Variants in FSTL4 observed in about 807,000 individuals in gnomAD.
FSTL4 encodes follistatin-related protein 4.
In FSTL4, 28 loss-of-function variants were observed where a neutral mutation model predicts 78.2. That is an observed-to-expected ratio of 0.36 (90% confidence interval 0.27 to 0.49). The LOEUF (loss-of-function observed/expected upper bound fraction) is 0.49, where lower values mean the gene tolerates loss of function less well. Among genes scored for constraint, FSTL4 ranks in the 20% least tolerant of loss-of-function variants. FSTL4 has a pLI of 0.98. For synonymous variants in FSTL4, 422 were observed against 440.5 expected, an observed-to-expected ratio of 0.96 and a Z score of 0.53; for missense variants, 922 against 1,084.9, an observed-to-expected ratio of 0.85 and a Z score of 2.11.
chr5:133,640,070 T>C, the FSTL4 span, among the ~76,000 whole-genome samples: 10 of 152,318 alleles, frequency 6.6e-5, no homozygotes, highest in African/African-American at 2.4e-4. Context: ...CATGGTGCAA[T>C]GACAGAGGAG....
At chr5:133,417,133 G>A (rs1359382982) in intron 3 of FSTL4, among the ~76,000 whole-genome samples, 1 of 152,200 alleles carries the variant, frequency 6.6e-6, no homozygotes, top group Non-Finnish European at 1.5e-5. Context: ...TAAAAGCCAT[G>A]GGGCAGTAAT....
chr5:133,627,318 G>A, the FSTL4 span, among the ~76,000 whole-genome samples: 19 of 152,218 alleles, frequency 1.2e-4, no homozygotes, highest in East Asian at 3.7e-3. Context: ...GAAGAGCAAA[G>A]GATGTCTTAC....
chr5:133,224,120 G>A (rs775762679), intron 11 of FSTL4, 70 bp downstream of exon 11: 51 of 1,277,142 alleles, frequency 4.0e-5, no homozygotes, highest in Non-Finnish European at 5.4e-5. Context: ...GCAGATCATG[G>A]AAAGACGGCC....
At chr5:133,616,189 A>G (rs187268516), upstream of FSTL4, among the ~76,000 whole-genome samples, 7 of 152,344 alleles carry the variant, frequency 4.6e-5, no homozygotes, top group Admixed American at 4.6e-4. Context: ...AAGAGGGAAC[A>G]TATTAAGAGG....
At chr5:133,629,159 T>G in the FSTL4 span, among the ~76,000 whole-genome samples, 4 of 151,396 alleles carry the variant, frequency 2.6e-5, no homozygotes, top group South Asian at 2.1e-4. Flanking sequence ...AATACCCAGC[T>G]TATTGAGAGT....
chr5:133,271,148 C>G (rs1035880963), intron 6 of FSTL4, among the ~76,000 whole-genome samples: 1 of 152,218 alleles, frequency 6.6e-6, no homozygotes, highest in Non-Finnish European at 1.5e-5. Context: ...AATGTGATTC[C>G]TTTCGATGGC....
intron 7 of FSTL4, among the ~76,000 whole-genome samples, chr5:133,234,340 C>T (rs994760707): frequency 1.3e-5 from 2 of 152,248 alleles, no homozygotes; most frequent in Non-Finnish European, 2.9e-5. Context: ...AGCCTCAGCA[C>T]TGTCATCTCT....
intron 3 of FSTL4, among the ~76,000 whole-genome samples, chr5:133,522,773 T>G (rs1759005458): frequency 6.6e-6 from 1 of 152,216 alleles, no homozygotes; most frequent in Admixed American, 6.5e-5. Flanking sequence ...GCCCCAATTA[T>G]CATTAATAAA....
the FSTL4 span, among the ~76,000 whole-genome samples, chr5:133,774,562 T>TCTC: frequency 1.3e-5 from 2 of 152,222 alleles, no homozygotes; most frequent in African/African-American, 4.8e-5. Context: ...ATACATGGGA[T>TCTC]AGGGACACTT....
intron 3 of FSTL4, among the ~76,000 whole-genome samples, chr5:133,556,700 G>A (rs1010789737): frequency 6.6e-6 from 1 of 152,136 alleles, no homozygotes; most frequent in African/African-American, 2.4e-5. Context: ...AGCAGCCCTG[G>A]TTATAGGTGA....
At chr5:133,558,948 A>G (rs1349456901) in intron 3 of FSTL4, among the ~76,000 whole-genome samples, 1 of 152,168 alleles carries the variant, frequency 6.6e-6, no homozygotes, top group African/African-American at 2.4e-5. Context: ...CTTACAGATT[A>G]TTTCCAGTCC....
At chr5:133,245,288 C>T (rs1752006073) in intron 7 of FSTL4, among the ~76,000 whole-genome samples, 1 of 152,092 alleles carries the variant, frequency 6.6e-6, no homozygotes, top group African/African-American at 2.4e-5. Flanking sequence ...ATCAACAAGG[C>T]TCCCCTCACT....
At chr5:133,834,920 G>A in the FSTL4 span, among the ~76,000 whole-genome samples, 1 of 151,754 alleles carries the variant, frequency 6.6e-6, no homozygotes, top group African/African-American at 2.4e-5. Flanking sequence ...TGTGGGGTAG[G>A]GTTATGAGTG....
chr5:133,729,226 AACACACACAC>A, the FSTL4 span, among the ~76,000 whole-genome samples: 49,603 of 148,328 alleles, frequency 0.33, 8,925 homozygotes, highest in African/African-American at 0.48. Context: ...GATTTATGAA[AACACACACAC>A]ACACACACAC....
At chr5:133,560,111 C>T (rs1759880097) in intron 3 of FSTL4, among the ~76,000 whole-genome samples, 1 of 152,226 alleles carries the variant, frequency 6.6e-6, no homozygotes, top group Non-Finnish European at 1.5e-5. Flanking sequence ...TGTGCCTGCA[C>T]AGCAGCATGA....
At chr5:133,693,496 GAGA>G in the FSTL4 span, among the ~76,000 whole-genome samples, 2 of 152,146 alleles carry the variant, frequency 1.3e-5, no homozygotes, top group Non-Finnish European at 2.9e-5. Context: ...TTGACATTTT[GAGA>G]AGAACTGGCG....
chr5:133,550,533 G>A (rs754818699), intron 3 of FSTL4, among the ~76,000 whole-genome samples: 1 of 152,186 alleles, frequency 6.6e-6, no homozygotes, highest in Non-Finnish European at 1.5e-5. Flanking sequence ...GGCTAATATA[G>A]AGCCTACTCA....
chr5:133,380,885 A>G (rs1199051869), intron 4 of FSTL4, among the ~76,000 whole-genome samples: 1 of 151,904 alleles, frequency 6.6e-6, no homozygotes, highest in Non-Finnish European at 1.5e-5. Flanking sequence ...AGGATTATAC[A>G]TCATTACCAA....
At chr5:133,625,152 T>C in the FSTL4 span, among the ~76,000 whole-genome samples, 6 of 151,774 alleles carry the variant, frequency 4.0e-5, no homozygotes, top group Non-Finnish European at 5.9e-5. Context: ...AACTGAGACA[T>C]ATTCCTTCCT....
Sources: allele counts gnomAD v4.1 joint callset (sites outside exome capture counted in the v4.1 genomes callset), GRCh38; gene constraint gnomAD v4.1.1; transcripts MANE v1.5; gene names NCBI Gene and HGNC (gene_info 2026-07-23, HGNC 2026-07-21).